The following GPR37 variants were observed in gnomAD, a reference collection of about 807,000 sequenced individuals.
GPR37 encodes the protein G protein-coupled receptor 37.
In GPR37, 20 loss-of-function variants were observed where a neutral mutation model predicts 43.6. That is an observed-to-expected ratio of 0.46 (90% CI 0.32 to 0.67). The LOEUF (loss-of-function observed/expected upper bound fraction) is 0.67. Ranked by LOEUF, GPR37 falls within the 30% of genes least tolerant of loss-of-function variation. The pLI, the probability that GPR37 is intolerant of heterozygous loss-of-function variation, is 0.03. For missense variants in GPR37, 724 were observed against 797.2 expected (o/e 0.91, Z 1.11); for synonymous variants, 315 against 322.6 (o/e 0.98, Z 0.25).
intron 1 of GPR37, among the ~76,000 whole-genome samples, chr7:124,759,963 C>T (rs746195819): frequency 4.3e-4 from 65 of 152,134 alleles, no homozygotes; most frequent in Non-Finnish European, 7.5e-4. Flanking sequence ...ATTATGCTAA[C>T]GCTCAAGCTG....
At chr7:124,748,013 C>T (rs1215877055) in intron 1 of GPR37, among the ~76,000 whole-genome samples, 1 of 152,158 alleles carries the variant, frequency 6.6e-6, no homozygotes, top group East Asian at 1.9e-4. Context: ...TGCGTGTTTG[C>T]CCTAGGGGCA....
At chr7:124,760,932 C>T (rs1793843681) in intron 1 of GPR37, among the ~76,000 whole-genome samples, 1 of 152,058 alleles carries the variant, frequency 6.6e-6, no homozygotes. Context: ...CAGAGGTGGG[C>T]AGATCACAAG....
chr7:124,746,670 C>T lies in GPR37; in HGVS notation c.1697G>A (p.Cys566Tyr). 6.2e-7 allele frequency: 1 copy of T among 1,613,932 alleles called. No homozygotes were observed. Among genetic ancestry groups the T allele is most frequent in the Non-Finnish European group, 8.5e-7 (1 of 1,179,864 alleles). The change falls in exon 2 of 2, where the codon TGT becomes TAT. Residue 566 changes from cysteine to tyrosine, a missense_variant. Around this residue, in one of 2 missense-constraint regions of GPR37, gnomAD observed 342 missense variants for 441.8 expected, o/e 0.77. Coordinates refer to ENST00000303921, the MANE Select transcript of GPR37 (RefSeq NM_005302.5). ...CTTCTGAATGCATTCCTCACAGCAA[C>T]AGCAGCAGCACTCCATGAAGGCCCG... The part of the protein sequence containing the change: ...FSRAFMECCC[C>Y]CCEECIQKSS...
chr7:124,758,230 A>C (rs890306809), intron 1 of GPR37, among the ~76,000 whole-genome samples: 3 of 152,210 alleles, frequency 2.0e-5, no homozygotes, highest in Non-Finnish European at 4.4e-5. Context: ...GTTATAAATA[A>C]AAGTGCACTC....
chr7:124,750,993 C>T (rs1380058740), intron 1 of GPR37, among the ~76,000 whole-genome samples: 1 of 152,144 alleles, frequency 6.6e-6, no homozygotes, highest in Non-Finnish European at 1.5e-5. Flanking sequence ...CTCAAACATA[C>T]ATGATCTGTA....
intron 1 of GPR37, 149 bp from the exon 2 acceptor site, chr7:124,747,492 A>G: frequency 1.6e-6 from 1 of 616,632 alleles, no homozygotes; most frequent in Non-Finnish European, 2.8e-6. Flanking sequence ...AGAATGAGGC[A>G]TGGGTAACTG....
In GPR37 at chr7:124,765,288, T is replaced by C. The variant is rs192688239; in HGVS notation, c.-312A>G. The C allele has an allele frequency of 6.1e-3, 1,956 of 320,290 alleles. 11 individuals carry two copies. Among genetic ancestry groups the C allele is most frequent in the Non-Finnish European group, 8.6e-3 (1,522 of 176,162 alleles). The allele number at this position is 320,290 out of a possible 1,614,324, so 19.8% of individuals were successfully genotyped here. A position where few individuals can be genotyped will look rare whatever the true frequency, so the allele number is the denominator to read the frequency against. On this transcript the variant is annotated 5_prime_UTR_variant, in exon 1 of 2. Coordinates refer to ENST00000303921, the MANE Select transcript of GPR37 (RefSeq NM_005302.5). ...ACCTTGAAAAGTTGCAATCAACACC[T>C]GACTGTTGATTACTGTTGAGACTCG...
At chr7:124,748,143 A>G (rs955872884) in intron 1 of GPR37, among the ~76,000 whole-genome samples, 1 of 151,756 alleles carries the variant, frequency 6.6e-6, no homozygotes, top group African/African-American at 2.4e-5. Flanking sequence ...TGGGTCAAAG[A>G]CTCCCTGTGA....
chr7:124,764,526 C>T lies in GPR37; in HGVS notation c.451G>A (p.Glu151Lys), dbSNP rs774979284. The T allele has an allele frequency of 1.2e-6, 2 of 1,613,658 alleles. No homozygotes were observed. Among genetic ancestry groups the T allele is most frequent in the Non-Finnish European group, 8.5e-7 (1 of 1,180,028 alleles). ...ALQLFLQISE[E>K]EEKGPRGAGI... is the part of the protein sequence containing the mutation. ...GCGCCTCTGGGACCCTTCTCTTCCT[C>T]CTCTGAGATCTGAAGGAAGAGCTGG... Residue 151 changes from glutamate (E) to lysine (K), a missense_variant, in exon 1 of 2, where the codon GAG (glutamate) becomes AAG (lysine). Physicochemically the swap from Glu to Lys is moderately conservative, Grantham distance 56 (BLOSUM62 1). Transcript: ENST00000303921. This position sits in a 1 kb window ranked among gnomAD's most constrained non-coding sequence, Gnocchi z 5.4.
At chr7:124,759,066 A>ATT (rs541602933) in intron 1 of GPR37, among the ~76,000 whole-genome samples, 14,472 of 137,122 alleles carry the variant, frequency 0.11, 987 homozygotes, top group African/African-American at 0.18. Context: ...AATTATTTGA[A>ATT]TTTTTTTTTT....
chr7:124,764,725 G>T lies in GPR37; in HGVS notation c.252C>A (p.Pro84=). 6.2e-7 allele frequency: 1 copy of T among 1,608,712 alleles called. No homozygotes were observed. Among genetic ancestry groups the T allele is most frequent in the Admixed American group, 1.7e-5 (1 of 59,848 alleles). The part of the protein sequence containing the change: ...EEQGAAFLAG[P]SWDLPAAPGR... The stretch of plus-strand genomic sequence containing the variant: ...CCGGGGCCGCCGGCAGGTCCCAGGA[G>T]GGTCCCGCAAGAAACGCTGCCCCCT... Residue 84 remains proline, a synonymous_variant, in exon 1 of 2, where the codon CCC becomes CCA. Transcript: ENST00000303921. The surrounding 1 kb of genome is among the most constrained non-coding windows in gnomAD (Gnocchi z 5.4).
intron 1 of GPR37, among the ~76,000 whole-genome samples, chr7:124,756,148 C>T (rs1029798544): frequency 9.2e-5 from 14 of 152,002 alleles, no homozygotes; most frequent in Non-Finnish European, 1.9e-4. Flanking sequence ...TTATCAGATG[C>T]TTTTCCGATA....
rs549794120 is a variant in GPR37 at position 124,763,100 on chromosome 7, G to A, written c.1023+854C>T. On this transcript the variant is annotated intron_variant, in intron 1 of 1. Transcript: ENST00000303921. ...GAAACAATGCAATTTCACTCAAAAT[G>A]ATTTTTGTTTCCAAAGTTTGGAAAC... 5.1e-4 allele frequency among the ~76,000 whole-genome samples: 77 copies of A among 152,238 alleles called. 1 individual carries two copies. In the Middle Eastern group the frequency reaches 0.01, roughly 20 times the overall value.
intron 1 of GPR37, among the ~76,000 whole-genome samples, chr7:124,757,911 A>T (rs1793809299): frequency 6.6e-6 from 1 of 152,218 alleles, no homozygotes; most frequent in Non-Finnish European, 1.5e-5. Context: ...TGAACGAATG[A>T]TGACACCTAT....
In GPR37 at chr7:124,765,296, G is replaced by C. The variant is rs1043492745; in HGVS notation, c.-320C>G. The stretch of plus-strand genomic sequence containing the variant: ...AAGTTGCAATCAACACCTGACTGTT[G>C]ATTACTGTTGAGACTCGGGGGAGCC... On this transcript the variant is annotated 5_prime_UTR_variant, in exon 1 of 2. In the 5' UTR this introduces an upstream ATG that the reference lacks. Transcript: ENST00000303921. The C allele has an allele frequency of 3.4e-6, 1 of 297,886 alleles. No homozygotes were observed. The highest frequency in any genetic ancestry group is 2.2e-5 in the African/African-American group (1 of 46,316). The allele number at this position is 297,886 out of a possible 1,614,324, so 18.5% of individuals were successfully genotyped here.
intron 1 of GPR37, 85 bp downstream of exon 1, chr7:124,763,869 T>C: frequency 5.0e-6 from 6 of 1,188,528 alleles, no homozygotes; most frequent in East Asian, 2.4e-5. Flanking sequence ...TTCAGCTAGA[T>C]AGGTGCATCC....
At chr7:124,747,438 A>AT (rs1193102933) in intron 1 of GPR37, 95 bp from the exon 2 acceptor site, 1 of 724,670 alleles carries the variant, frequency 1.4e-6, no homozygotes, top group African/African-American at 1.8e-5. Flanking sequence ...GTAAAAAAAA[A>AT]TATGGATAAA....
rs781075325 is a variant in GPR37 at position 124,764,571 on chromosome 7, T to C, written c.406A>G (p.Arg136Gly). 6.2e-7 allele frequency: 1 copy of C among 1,612,144 alleles called. No homozygotes were observed. Among genetic ancestry groups the C allele is most frequent in the Admixed American group, 1.7e-5 (1 of 59,948 alleles). The stretch of plus-strand genomic sequence containing the variant: ...AGCTGGAGGGCCGTGGGGTTCCCTC[T>C]CCCCAAAGTTTCAGAAGGCTCCTGA... The part of the protein sequence containing the change: ...RGQEPSETLG[R>G]GNPTALQLFL... Residue 136 changes from arginine (R) to glycine (G), a missense_variant, in exon 1 of 2, where the codon AGA (arginine) becomes GGA (glycine). Arg to Gly is a moderately radical substitution (Grantham distance 125, BLOSUM62 -2). Around this residue, in one of 2 missense-constraint regions of GPR37, gnomAD observed 382 missense variants for 355.4 expected, o/e 1.07. Transcript: ENST00000303921. The surrounding 1 kb of genome is among the most constrained non-coding windows in gnomAD (Gnocchi z 5.4).
chr7:124,745,575 T>A lies in GPR37; in HGVS notation c.*950A>T, dbSNP rs1465040912. Reference sequence around the variant, plus strand: ...GTTGTATAGATTTCATCAAGTTTATTTTTCAAAAGGAGAAAAATTAGAACT... The same window carrying A: ...GTTGTATAGATTTCATCAAGTTTATATTTCAAAAGGAGAAAAATTAGAACT... On this transcript the variant is annotated 3_prime_UTR_variant, in exon 2 of 2. Transcript: ENST00000303921. Among the ~76,000 whole-genome samples the A allele has an allele frequency of 6.6e-6, 1 of 152,174 alleles. No homozygotes were observed. Among genetic ancestry groups the A allele is most frequent in the Non-Finnish European group, 1.5e-5 (1 of 68,032 alleles).
Sources: allele counts gnomAD v4.1 joint callset (sites outside exome capture counted in the v4.1 genomes callset), GRCh38; gene constraint gnomAD v4.1.1; regional missense constraint gnomAD v4.1.1; non-coding constraint Gnocchi (gnomAD v3.1); transcripts MANE v1.5; gene names NCBI Gene and HGNC (gene_info 2026-07-23, HGNC 2026-07-21).